NLGN4Y: variants seen among roughly 807,000 people sequenced by gnomAD.
NLGN4Y encodes the protein neuroligin-4, Y-linked.
Under a neutral mutation model 8.4 loss-of-function variants are expected in NLGN4Y, and 4 were observed. The observed-to-expected ratio is 0.48, with a 90% CI of 0.23 to 1.09. The LOEUF is 1.09. Ranked by LOEUF, NLGN4Y falls within the 50% of genes least tolerant of loss-of-function variation. NLGN4Y has a pLI of 0.19. For synonymous variants in NLGN4Y, 35 were observed against 75.6 expected, an observed-to-expected ratio of 0.46 and a Z score of 2.78; for missense variants, 90 against 192.3, an observed-to-expected ratio of 0.47 and a Z score of 3.15.
At chrY:14,538,733 C>T in intron 1 of NLGN4Y, among the ~76,000 whole-genome samples, 1 of 32,925 alleles carries the variant, frequency 3.0e-5, no homozygotes, top group Admixed American at 2.8e-4. Context: ...CCTTTCCTTA[C>T]GGGGCTTTGT....
intron 4 of NLGN4Y, among the ~76,000 whole-genome samples, chrY:14,734,107 A>G (rs2080983893): frequency 3.0e-5 from 1 of 33,000 alleles, no homozygotes; most frequent in African/African-American, 1.2e-4. Flanking sequence ...AATTGCTCTC[A>G]GGGGGAAGGG....
intron 1 of NLGN4Y, among the ~76,000 whole-genome samples, chrY:14,580,433 A>C: frequency 5.1e-4 from 16 of 31,546 alleles, no homozygotes; most frequent in African/African-American, 1.9e-3. Context: ...CATGGTATGG[A>C]AATGGTTTCC....
chrY:14,571,595 A>C, intron 1 of NLGN4Y, among the ~76,000 whole-genome samples: 6 of 33,153 alleles, frequency 1.8e-4, no homozygotes, highest in African/African-American at 4.7e-4. Context: ...GAAGTTCTTT[A>C]GTTTAATTAG....
chrY:14,563,120 G>A, intron 1 of NLGN4Y, among the ~76,000 whole-genome samples: 5 of 33,947 alleles, frequency 1.5e-4, no homozygotes, highest in Admixed American at 1.4e-3. Flanking sequence ...CTTCTCTTGT[G>A]ACGGTTTTCA....
chrY:14,788,559 C>G (rs748280078), intron 4 of NLGN4Y, among the ~76,000 whole-genome samples: 1 of 33,379 alleles, frequency 3.0e-5, no homozygotes, highest in South Asian at 6.8e-4. Flanking sequence ...CTCCAACTAC[C>G]TTTTCTACCT....
At chrY:14,837,198 A>C in intron 6 of NLGN4Y, among the ~76,000 whole-genome samples, 1 of 33,816 alleles carries the variant, frequency 3.0e-5, no homozygotes, top group Non-Finnish European at 7.3e-5. Context: ...ATGAATGAAC[A>C]TCCTCCCCTG....
chrY:14,830,183 T>A lies in NLGN4Y; in HGVS notation c.1325T>A (p.Phe442Tyr). 1 of 394,573 alleles carries A rather than the reference T, an allele frequency of 2.5e-6. No homozygotes were observed. The highest frequency in any genetic ancestry group is 3.5e-6 in the Non-Finnish European group (1 of 281,805). ...GACACTTTGCGGGAGACTATCAAGT[T>A]CATGTACACAGACTGGGCCGATAAG... is the stretch of plus-strand genomic sequence containing the variant. ...GKDTLRETIK[F>Y]MYTDWADKEN... Residue 442 changes from phenylalanine to tyrosine, a missense_variant, in exon 6 of 7, where the codon TTC becomes TAC. Transcript: ENST00000684976.
chrY:14,747,516 C>A (rs2081027707), intron 4 of NLGN4Y, among the ~76,000 whole-genome samples: 2 of 33,029 alleles, frequency 6.1e-5, no homozygotes, highest in East Asian at 8.1e-4. Flanking sequence ...CTTTTCTTTT[C>A]TTTTTATTCT....
chrY:14,795,646 T>C (rs779229102), intron 4 of NLGN4Y, among the ~76,000 whole-genome samples: 2 of 33,634 alleles, frequency 5.9e-5, no homozygotes, highest in Admixed American at 2.7e-4. Flanking sequence ...CCTGGACAGA[T>C]GATGTCTTTG....
intron 4 of NLGN4Y, among the ~76,000 whole-genome samples, chrY:14,808,277 C>T: frequency 3.0e-5 from 1 of 33,580 alleles, no homozygotes; most frequent in Non-Finnish European, 7.4e-5. Flanking sequence ...GGTGAACTGC[C>T]TGCCTTGGCA....
chrY:14,730,624 T>C, intron 4 of NLGN4Y, among the ~76,000 whole-genome samples: 5 of 32,841 alleles, frequency 1.5e-4, no homozygotes. Flanking sequence ...CCACTCTGTA[T>C]GTTAATGTGT....
intron 1 of NLGN4Y, among the ~76,000 whole-genome samples, chrY:14,575,172 C>G: frequency 9.0e-5 from 3 of 33,458 alleles, no homozygotes; most frequent in Admixed American, 8.2e-4. Context: ...TGGATAATAT[C>G]CTGCAGAGTG....
intron 2 of NLGN4Y, among the ~76,000 whole-genome samples, chrY:14,640,958 G>T (rs921521533): frequency 3.0e-5 from 1 of 33,833 alleles, no homozygotes; most frequent in African/African-American, 1.2e-4. Flanking sequence ...TAAATGGTTT[G>T]CATGAGAGCT....
chrY:14,652,882 A>G, intron 2 of NLGN4Y, among the ~76,000 whole-genome samples: 1 of 33,046 alleles, frequency 3.0e-5, no homozygotes, highest in South Asian at 6.6e-4. Flanking sequence ...AAATTTTCAC[A>G]TGTGACATTT....
At chrY:14,618,148 A>G in intron 1 of NLGN4Y, among the ~76,000 whole-genome samples, 1 of 29,747 alleles carries the variant, frequency 3.4e-5, no homozygotes, top group South Asian at 8.2e-4. Context: ...AAACTCCTGC[A>G]GCTAGCTCAG....
chrY:14,756,881 A>G, intron 4 of NLGN4Y, among the ~76,000 whole-genome samples: 2 of 13,217 alleles, frequency 1.5e-4, no homozygotes, highest in African/African-American at 6.4e-4. Context: ...ATATATATAT[A>G]TATATATATA....
Position 14,622,415 on chromosome Y carries a change from G to A in NLGN4Y, c.296G>A (p.Gly99Asp). ...QPPESPSSWT[G>D]IRNATQFSAV... ...CCAGAATCCCCATCCTCCTGGACTG[G>A]CATCCGAAATGCTACTCAGTTTTCT... Residue 99 changes from glycine to aspartate, a missense_variant, in exon 2 of 7, where the codon GGC (glycine) becomes GAC (aspartate). Transcript: ENST00000684976. The A allele has an allele frequency of 2.5e-6, 1 of 399,295 alleles. No homozygotes were observed. Among genetic ancestry groups the A allele is most frequent in the African/African-American group, 6.1e-5 (1 of 16,356 alleles).
intron 4 of NLGN4Y, among the ~76,000 whole-genome samples, chrY:14,791,815 C>A (rs2042986942): frequency 3.0e-5 from 1 of 32,843 alleles, no homozygotes; most frequent in East Asian, 8.1e-4. Context: ...AACCCAAACC[C>A]TTACCCTACC....
chrY:14,548,936 G>C, intron 1 of NLGN4Y, among the ~76,000 whole-genome samples: 1 of 32,896 alleles, frequency 3.0e-5, no homozygotes, highest in South Asian at 6.9e-4. Context: ...GGCCTATGTA[G>C]CCTTGCATCT....
Sources: allele counts gnomAD v4.1 joint callset (sites outside exome capture counted in the v4.1 genomes callset), GRCh38; gene constraint gnomAD v4.1.1; transcripts MANE v1.5; gene names NCBI Gene and HGNC (gene_info 2026-07-23, HGNC 2026-07-21).